The following CCSER2 variants were observed in gnomAD, a reference collection of about 807,000 sequenced individuals.
CCSER2 encodes the protein coiled-coil serine rich protein 2.
A neutral mutation model predicts 92.3 loss-of-function variants in CCSER2; 46 were observed. The ratio of observed to expected loss-of-function variants is 0.50; its 90% CI spans 0.39 to 0.64. The LOEUF is 0.64. CCSER2 is among the 30% of genes least tolerant of loss of function. The probability of loss-of-function intolerance (pLI) is 0.00; values close to 1 mark genes in which losing one functional copy is unlikely to be tolerated. For missense variants in CCSER2, 1,244 were observed against 1,238.9 expected (o/e 1.00, Z -0.06); for synonymous variants, 433 against 431.4 (o/e 1.00, Z -0.04).
intron 9 of CCSER2, among the ~76,000 whole-genome samples, chr10:84,495,046 A>G (rs76922862): frequency 0.02 from 3,019 of 150,940 alleles, 89 homozygotes; most frequent in Admixed American, 0.073. Context: ...TTCTTAAGAC[A>G]TCAGTTTAGC....
chr10:84,335,041 T>C (rs890607318), intron 1 of CCSER2, among the ~76,000 whole-genome samples: 1 of 152,148 alleles, frequency 6.6e-6, no homozygotes, highest in Non-Finnish European at 1.5e-5. Flanking sequence ...TCTCCTACCC[T>C]GTATCTTGAG....
chr10:84,513,281 G>A (rs1197455416), intron 9 of CCSER2, among the ~76,000 whole-genome samples, 168 bp from the exon 10 acceptor site: 1 of 152,054 alleles, frequency 6.6e-6, no homozygotes, highest in Non-Finnish European at 1.5e-5. Flanking sequence ...ACTCTTGTAT[G>A]TGTCTAATTT....
At chr10:84,414,032 A>G (rs929412161) in intron 3 of CCSER2, among the ~76,000 whole-genome samples, 2 of 151,860 alleles carry the variant, frequency 1.3e-5, no homozygotes, top group East Asian at 1.9e-4. Context: ...TTTTGAGCCT[A>G]TGTGTGTCTT....
intron 1 of CCSER2, among the ~76,000 whole-genome samples, chr10:84,361,878 G>C (rs2133119626): frequency 6.6e-6 from 1 of 152,266 alleles, no homozygotes; most frequent in African/African-American, 2.4e-5. Context: ...GACCTCAGGT[G>C]ATCCGCCCAC....
chr10:84,394,324 TCG>T (rs1202274072), intron 3 of CCSER2, among the ~76,000 whole-genome samples: 26 of 151,842 alleles, frequency 1.7e-4, no homozygotes, highest in African/African-American at 6.0e-4. Context: ...AAACACATGA[TCG>T]TAGTATGAAT....
At chr10:84,483,953 T>TTATATATATATATATATATATA (rs57427963) in intron 9 of CCSER2, among the ~76,000 whole-genome samples, 1 of 48,050 alleles carries the variant, frequency 2.1e-5, no homozygotes, top group Non-Finnish European at 4.8e-5. Context: ...CCCGGCTAAT[T>TTATATATATATATATATATATA]TATATATATA....
At chr10:84,493,996 A>G (rs1848309504) in intron 9 of CCSER2, among the ~76,000 whole-genome samples, 1 of 152,208 alleles carries the variant, frequency 6.6e-6, no homozygotes, top group Non-Finnish European at 1.5e-5. Flanking sequence ...TCGCATGTGC[A>G]GTTCACAATA....
At chr10:84,338,397 CTTT>C (rs1295845120) in intron 1 of CCSER2, among the ~76,000 whole-genome samples, 1 of 151,508 alleles carries the variant, frequency 6.6e-6, no homozygotes, top group Non-Finnish European at 1.5e-5. Context: ...TTCCAGCTTA[CTTT>C]TTTTTCTTTT....
At chr10:84,406,226 A>T (rs1354461647) in intron 3 of CCSER2, among the ~76,000 whole-genome samples, 2 of 152,210 alleles carry the variant, frequency 1.3e-5, no homozygotes, top group Non-Finnish European at 2.9e-5. Flanking sequence ...AACTATGGTG[A>T]TGGAGAACAG....
chr10:84,383,886 G>T (rs942783713), intron 3 of CCSER2, among the ~76,000 whole-genome samples: 1 of 152,010 alleles, frequency 6.6e-6, no homozygotes, highest in African/African-American at 2.4e-5. Flanking sequence ...AAATTGACAG[G>T]CTGCCAGCTA....
At chr10:84,400,724 G>A (rs1842075608) in intron 3 of CCSER2, among the ~76,000 whole-genome samples, 2 of 151,876 alleles carry the variant, frequency 1.3e-5, no homozygotes, top group African/African-American at 4.8e-5. Flanking sequence ...GACCAGCCTG[G>A]CCAACATGAC....
At chr10:84,441,027 G>T (rs1844501023) in intron 6 of CCSER2, among the ~76,000 whole-genome samples, 1 of 152,148 alleles carries the variant, frequency 6.6e-6, no homozygotes, top group East Asian at 1.9e-4. Flanking sequence ...GTTGTAGTTG[G>T]TTGGTTGGTT....
intron 7 of CCSER2, among the ~76,000 whole-genome samples, chr10:84,465,096 G>A (rs1282554117): frequency 6.6e-6 from 1 of 151,670 alleles, no homozygotes; most frequent in East Asian, 1.9e-4. Flanking sequence ...CATTAAGTCA[G>A]CAGGTTCACA....
intron 9 of CCSER2, 31 bp from the exon 10 acceptor site, chr10:84,513,418 T>C: frequency 6.7e-7 from 1 of 1,502,862 alleles, no homozygotes; most frequent in African/African-American, 1.4e-5. Context: ...TTCTAAGAAC[T>C]TGCTGCTAAT....
At chr10:84,420,810 G>A (rs540715192) in intron 4 of CCSER2, among the ~76,000 whole-genome samples, 16 of 151,928 alleles carry the variant, frequency 1.1e-4, no homozygotes, top group Non-Finnish European at 2.2e-4. Context: ...GCACGTGCCT[G>A]TAGTCTCAGT....
intron 8 of CCSER2, among the ~76,000 whole-genome samples, chr10:84,474,426 C>G (rs183814169): frequency 1.3e-5 from 2 of 151,924 alleles, no homozygotes; most frequent in East Asian, 3.9e-4. Flanking sequence ...TTTAGGAGGC[C>G]GAGGCAGGCA....
At chr10:84,466,083 T>C (rs1202901433) in intron 7 of CCSER2, among the ~76,000 whole-genome samples, 10 of 152,222 alleles carry the variant, frequency 6.6e-5, no homozygotes, top group Non-Finnish European at 1.5e-4. Context: ...TTGTCCCTGC[T>C]CCATTTCCTT....
chr10:84,500,919 A>G (rs1848686439), intron 9 of CCSER2, among the ~76,000 whole-genome samples: 1 of 152,204 alleles, frequency 6.6e-6, no homozygotes, highest in South Asian at 2.1e-4. Flanking sequence ...ATTAGCCAAA[A>G]TTATGAGGTA....
chr10:84,357,697 G>T (rs1237113426), intron 1 of CCSER2, among the ~76,000 whole-genome samples: 1 of 152,064 alleles, frequency 6.6e-6, no homozygotes, highest in African/African-American at 2.4e-5. Flanking sequence ...TGATTCGCCC[G>T]CCTCAGACTC....
Sources: gnomAD v4.1 joint callset for allele counts (sites outside exome capture counted in the v4.1 genomes callset) on GRCh38, gnomAD v4.1.1 for gene constraint, MANE v1.5 for transcripts, NCBI Gene and HGNC (gene_info 2026-07-23, HGNC 2026-07-21) for gene names.